Variants in MTMR7 observed in about 807,000 individuals in gnomAD.
MTMR7 encodes the protein phosphatidylinositol-3-phosphate phosphatase MTMR7.
MTMR7 carries 76 observed loss-of-function variants against 81.2 expected under a neutral mutation model. The ratio of observed to expected loss-of-function variants is 0.94; its 90% CI spans 0.78 to 1.13. The LOEUF (loss-of-function observed/expected upper bound fraction) is 1.13, where lower values mean the gene tolerates loss of function less well. Among genes scored for constraint, MTMR7 ranks in the 50% most tolerant of loss-of-function variants. The probability of loss-of-function intolerance (pLI) is 0.00; values close to 1 mark genes in which losing one functional copy is unlikely to be tolerated. For synonymous variants in MTMR7, 372 were observed against 289.8 expected, an observed-to-expected ratio of 1.28 and a Z score of -2.88; for missense variants, 1,044 against 820.0, an observed-to-expected ratio of 1.27 and a Z score of -3.34.
chr8:17,309,962 T>G lies in MTMR7; in HGVS notation c.1102-636A>C, dbSNP rs143307413. 4.6e-3 allele frequency among the ~76,000 whole-genome samples: 693 copies of G among 152,296 alleles called. 8 individuals are homozygous for G. Among genetic ancestry groups the G allele is most frequent in the African/African-American group, 0.015 (626 of 41,564 alleles). On this transcript the variant is annotated intron_variant, in intron 9 of 13. Transcript: ENST00000180173. ...CTGAGGCAGTCCAGATTATTATTTT[T>G]AAGTATTTATTTTGGTTTTGTATTT... is the stretch of plus-strand genomic sequence containing the variant.
At chr8:17,402,927 A>T (rs1821471293) in intron 1 of MTMR7, among the ~76,000 whole-genome samples, 1 of 152,168 alleles carries the variant, frequency 6.6e-6, no homozygotes, top group African/African-American at 2.4e-5. Context: ...TGTCTTCTGG[A>T]TAAAAGCCAT....
At chr8:17,343,197 C>T (rs1219754560) in intron 5 of MTMR7, among the ~76,000 whole-genome samples, 1 of 151,980 alleles carries the variant, frequency 6.6e-6, no homozygotes, top group African/African-American at 2.4e-5. Context: ...GAGGCCGAGG[C>T]GGGGGGATAA....
At chr8:17,352,942 C>G (rs1239740250) in intron 4 of MTMR7, among the ~76,000 whole-genome samples, 2 of 152,282 alleles carry the variant, frequency 1.3e-5, no homozygotes, top group Admixed American at 1.3e-4. Context: ...AATCTCACTT[C>G]TGGATGTATG....
In MTMR7 at chr8:17,305,829, A is replaced by G. The variant is rs1279021611; in HGVS notation, c.1280T>C (p.Ile427Thr). The change falls in exon 11 of 14, where the codon ATT becomes ACT. Residue 427 changes from isoleucine (I) to threonine (T), a missense_variant. Coordinates refer to ENST00000180173, the MANE Select transcript of MTMR7 (RefSeq NM_004686.5). ...CTGGCAGGAATAAATGTGATGTTGA[A>G]TGTGAATCAAAAACCTCTCATTGAA... ...FEFNERFLIH[I>T]QHHIYSCQFG... 1.2e-6 allele frequency: 2 copies of G among 1,613,634 alleles called. No homozygotes were observed. Among genetic ancestry groups the G allele is most frequent in the East Asian group, 2.2e-5 (1 of 44,846 alleles).
At chr8:17,373,325 T>G (rs1820477483) in intron 1 of MTMR7, 85 bp from the exon 2 acceptor site, 2 of 1,456,346 alleles carry the variant, frequency 1.4e-6, no homozygotes, top group East Asian at 2.4e-5. Flanking sequence ...AAACTCACAC[T>G]TACTCCAAAA....
At chr8:17,318,975 C>T (rs1031044378) in intron 7 of MTMR7, among the ~76,000 whole-genome samples, 15 of 152,358 alleles carry the variant, frequency 9.8e-5, no homozygotes, top group African/African-American at 2.6e-4. Context: ...TCGAACTCAC[C>T]GACACTTCCA....
chr8:17,338,567 C>G (rs1819317955), intron 6 of MTMR7, among the ~76,000 whole-genome samples: 2 of 152,266 alleles, frequency 1.3e-5, no homozygotes, highest in Non-Finnish European at 2.9e-5. Flanking sequence ...ACAGCCCCAC[C>G]TTGCTTCAAC....
At chr8:17,309,243 C>G in intron 10 of MTMR7, 34 bp downstream of exon 10, 2 of 1,352,950 alleles carry the variant, frequency 1.5e-6, no homozygotes, top group African/African-American at 1.5e-5. Context: ...TGCTTTTATT[C>G]TAAACATTCA....
At chr8:17,317,059 T>C (rs777950573) in intron 7 of MTMR7, among the ~76,000 whole-genome samples, 10 of 152,244 alleles carry the variant, frequency 6.6e-5, no homozygotes, top group South Asian at 6.2e-4. Context: ...TCTCTAAGAA[T>C]ATTAATGGCA....
intron 1 of MTMR7, among the ~76,000 whole-genome samples, chr8:17,386,840 A>G (rs1049332214): frequency 2.6e-5 from 4 of 152,190 alleles, no homozygotes; most frequent in African/African-American, 9.7e-5. Context: ...CACACCAAAA[A>G]AACATACAAA....
intron 7 of MTMR7, among the ~76,000 whole-genome samples, chr8:17,322,815 A>AC (rs34946328): frequency 0.12 from 17,571 of 151,906 alleles, 1,387 homozygotes; most frequent in Non-Finnish European, 0.18. Context: ...ACACAGGGAG[A>AC]CCCTCTCTCT....
intron 1 of MTMR7, among the ~76,000 whole-genome samples, chr8:17,384,728 C>G (rs1268601805): frequency 2.0e-5 from 3 of 152,158 alleles, no homozygotes; most frequent in African/African-American, 7.2e-5. Context: ...CATAAAGTTA[C>G]TGAAACAAAA....
At position 17,354,239 on chromosome 8, in the gene MTMR7, A is replaced by T. The variant is rs557920297; in HGVS notation, c.469-5158T>A. On this transcript the variant is annotated intron_variant, in intron 4 of 13. Coordinates refer to ENST00000180173, the MANE Select transcript of MTMR7 (RefSeq NM_004686.5). ...CAGGGAGAAGGAGGAGGTTATGAACAGGATAAAATGACATATATGTGAATA... is the reference window on the plus strand; with the variant it reads ...CAGGGAGAAGGAGGAGGTTATGAACTGGATAAAATGACATATATGTGAATA... 2.0e-5 allele frequency among the ~76,000 whole-genome samples: 3 copies of T among 152,352 alleles called. No individual in the cohort carries two copies. The South Asian group carries it at 6.2e-4, about 32-fold the overall frequency.
In MTMR7 at chr8:17,331,131, G is replaced by C. The variant is rs2150529648; in HGVS notation, c.865+19C>G. The C allele has an allele frequency of 6.2e-7, 1 of 1,605,736 alleles. No homozygotes were observed. Among genetic ancestry groups the C allele is most frequent in the African/African-American group, 1.3e-5 (1 of 74,694 alleles). ...ATACTTAACTGCATTTTAATGCTGT[G>C]CATAAGGAAATGGTTTACCTTCCAG... is the stretch of plus-strand genomic sequence containing the variant. On this transcript the variant is annotated intron_variant, in intron 7 of 13. Transcript: ENST00000180173.
At chr8:17,320,267 T>C (rs932327108) in intron 7 of MTMR7, among the ~76,000 whole-genome samples, 1 of 152,174 alleles carries the variant, frequency 6.6e-6, no homozygotes, top group African/African-American at 2.4e-5. Flanking sequence ...CTTAGACTGC[T>C]CAAGGAAGCT....
intron 12 of MTMR7, among the ~76,000 whole-genome samples, chr8:17,303,951 C>T (rs1339258183): frequency 3.3e-5 from 5 of 152,166 alleles, no homozygotes; most frequent in African/African-American, 1.2e-4. Context: ...CAACCTATTA[C>T]GTTGGTGCAA....
chr8:17,344,639 G>C (rs1009822961), intron 5 of MTMR7, among the ~76,000 whole-genome samples: 5 of 152,020 alleles, frequency 3.3e-5, no homozygotes, highest in Admixed American at 1.3e-4. Context: ...AGAAAGACCT[G>C]GCTTCCAGTA....
intron 12 of MTMR7, 155 bp from the exon 13 acceptor site, chr8:17,302,435 A>C (rs751968233): frequency 3.9e-6 from 3 of 764,064 alleles, no homozygotes; most frequent in Non-Finnish European, 5.9e-6. Context: ...TAATAATTTC[A>C]TGTTGATGTT....
chr8:17,391,173 G>A (rs1821096698), intron 1 of MTMR7, among the ~76,000 whole-genome samples: 1 of 152,132 alleles, frequency 6.6e-6, no homozygotes, highest in Non-Finnish European at 1.5e-5. Flanking sequence ...GGGGAAACAA[G>A]TAGGAGATGA....
Sources: gnomAD v4.1 joint callset for allele counts (sites outside exome capture counted in the v4.1 genomes callset) on GRCh38, gnomAD v4.1.1 for gene constraint, MANE v1.5 for transcripts, NCBI Gene and HGNC (gene_info 2026-07-23, HGNC 2026-07-21) for gene names.